The following BLTP1 variants were observed in gnomAD, a reference collection of about 807,000 sequenced individuals.
The protein encoded by BLTP1 is bridge-like lipid transfer protein family member 1, also known as fragile site-associated protein.
the BLTP1 span, among the ~76,000 whole-genome samples, chr4:122,275,761 G>T: frequency 6.6e-6 from 1 of 151,994 alleles, no homozygotes; most frequent in South Asian, 2.1e-4. Flanking sequence ...TGCCAAACTC[G>T]TAGTGTATTC....
At chr4:122,343,897 T>C in the BLTP1 span, 2 of 874,854 alleles carry the variant, frequency 2.3e-6, no homozygotes, top group East Asian at 1.2e-4. Context: ...AATATTTAAA[T>C]GTCTTAGCAA....
chr4:122,333,414 C>T, the BLTP1 span: 1 of 138,972 alleles, frequency 7.2e-6, no homozygotes, highest in Non-Finnish European at 1.5e-5. Flanking sequence ...TGTTTTTTGG[C>T]TGCATAAATG....
the BLTP1 span, chr4:122,344,558 T>C: frequency 2.5e-6 from 4 of 1,578,120 alleles, no homozygotes; most frequent in Non-Finnish European, 3.5e-6. Flanking sequence ...AATAAATATA[T>C]CTGGTACTCA....
At chr4:122,185,962 T>A in the BLTP1 span, 1 of 1,210,738 alleles carries the variant, frequency 8.3e-7, no homozygotes, top group Non-Finnish European at 1.1e-6. Flanking sequence ...TTTGGGTGTA[T>A]AAAAATGTTT....
chr4:122,314,769 AC>A, the BLTP1 span, among the ~76,000 whole-genome samples: 1 of 152,156 alleles, frequency 6.6e-6, no homozygotes, highest in African/African-American at 2.4e-5. Flanking sequence ...CTTCGTCAGG[AC>A]TTTTAAGTGA....
At chr4:122,261,766 A>C in the BLTP1 span, 1 of 978,882 alleles carries the variant, frequency 1.0e-6, no homozygotes, top group Non-Finnish European at 1.2e-6. Flanking sequence ...TGGAGAACTT[A>C]AGGATTAAAT....
chr4:122,224,933 C>T, the BLTP1 span: 1 of 1,263,882 alleles, frequency 7.9e-7, no homozygotes, highest in Non-Finnish European at 1.0e-6. Context: ...TTGAGACTTT[C>T]TTTGGGAAAA....
the BLTP1 span, among the ~76,000 whole-genome samples, chr4:122,161,667 C>T: frequency 1.3e-5 from 2 of 151,930 alleles, no homozygotes; most frequent in African/African-American, 2.4e-5. Context: ...CTCAAGTGAT[C>T]GCCCACTTCA....
chr4:122,215,001 T>C, the BLTP1 span, among the ~76,000 whole-genome samples: 11 of 152,148 alleles, frequency 7.2e-5, no homozygotes, highest in South Asian at 4.1e-4. Context: ...ATTAGACATA[T>C]AACATTAGAC....
the BLTP1 span, chr4:122,289,219 T>C: frequency 4.0e-6 from 6 of 1,481,866 alleles, no homozygotes; most frequent in African/African-American, 2.8e-5. Context: ...CCTTATAGTA[T>C]AGGTGTAGGT....
chr4:122,195,651 T>A, the BLTP1 span: 1 of 721,414 alleles, frequency 1.4e-6, no homozygotes, highest in African/African-American at 1.9e-5. Flanking sequence ...CTTCTCATTA[T>A]GTCCTCCTAT....
the BLTP1 span, chr4:122,235,072 C>G: frequency 6.9e-7 from 1 of 1,442,216 alleles, no homozygotes; most frequent in South Asian, 1.3e-5. Context: ...TTCTTCATCA[C>G]TATGCCATTT....
chr4:122,200,120 T>A, the BLTP1 span: 1 of 906,016 alleles, frequency 1.1e-6, no homozygotes, highest in Non-Finnish European at 1.3e-6. Flanking sequence ...ATATGACATA[T>A]GTAAATTAAG....
chr4:122,277,063 C>T, the BLTP1 span: 1 of 985,034 alleles, frequency 1.0e-6, no homozygotes, highest in Non-Finnish European at 1.2e-6. Context: ...ATCATTTGCC[C>T]ATTTGAAGGA....
the BLTP1 span, among the ~76,000 whole-genome samples, chr4:122,238,858 C>A: frequency 6.6e-6 from 1 of 152,064 alleles, no homozygotes; most frequent in African/African-American, 2.4e-5. Context: ...ACATTCTCTC[C>A]TTTTTCTCCA....
chr4:122,330,592 T>C, the BLTP1 span, among the ~76,000 whole-genome samples: 13 of 151,884 alleles, frequency 8.6e-5, no homozygotes, highest in Non-Finnish European at 1.9e-4. Flanking sequence ...AATGCTAGGA[T>C]TTTGTTACAT....
chr4:122,228,980 TATAAA>T, the BLTP1 span: 1 of 674,432 alleles, frequency 1.5e-6, no homozygotes, highest in South Asian at 2.6e-5. Context: ...CATTTATTAT[TATAAA>T]AGAATGAAAT....
At chr4:122,202,883 CTT>C in the BLTP1 span, among the ~76,000 whole-genome samples, 2 of 151,844 alleles carry the variant, frequency 1.3e-5, no homozygotes, top group African/African-American at 4.8e-5. Context: ...GAAATTCACT[CTT>C]TTGGTTATTT....
chr4:122,185,547 C>A, the BLTP1 span: 1 of 541,446 alleles, frequency 1.8e-6, no homozygotes, highest in Non-Finnish European at 2.4e-6. Flanking sequence ...TTGAAGTCCA[C>A]AGTTCATAAA....
Sources: gnomAD v4.1 joint callset for allele counts (sites outside exome capture counted in the v4.1 genomes callset) on GRCh38, gnomAD v4.1.1 for gene constraint, MANE v1.5 for transcripts, NCBI Gene and HGNC (gene_info 2026-07-23, HGNC 2026-07-21) for gene names.